IKZF1: variants seen among roughly 807,000 people sequenced by gnomAD.
IKZF1 encodes the protein IKAROS family zinc finger 1, also known as DNA-binding protein Ikaros.
IKZF1 carries 10 observed loss-of-function variants against 51.7 expected under a neutral mutation model. The ratio of observed to expected loss-of-function variants is 0.19; its 90% confidence interval spans 0.12 to 0.33. IKZF1 has a LOEUF of 0.33. IKZF1 is among the 10% of genes least tolerant of loss of function. IKZF1 has a pLI of 1.00. For missense variants in IKZF1, 484 were observed against 707.5 expected, an observed-to-expected ratio of 0.68 and a Z score of 3.58; for synonymous variants, 280 against 282.3, an observed-to-expected ratio of 0.99 and a Z score of 0.08.
chr7:50,360,624 A>C (rs992357359), intron 3 of IKZF1, among the ~76,000 whole-genome samples: 17 of 152,262 alleles, frequency 1.1e-4, no homozygotes, highest in African/African-American at 3.9e-4. Flanking sequence ...TACTGGGAAA[A>C]CCACATCTAA....
chr7:50,307,959 A>G (rs1321529362), intron 1 of IKZF1, among the ~76,000 whole-genome samples: 1 of 152,194 alleles, frequency 6.6e-6, no homozygotes, highest in African/African-American at 2.4e-5. Context: ...CATGTGGACC[A>G]TGGCTTTCTT....
intron 3 of IKZF1, among the ~76,000 whole-genome samples, chr7:50,343,379 T>C (rs186491147): frequency 7.7e-4 from 117 of 152,212 alleles, no homozygotes; most frequent in African/African-American, 2.8e-3. Context: ...ACCAAATTGT[T>C]TTTCCCAGGA....
chr7:50,384,183 G>T (rs1194470448), intron 5 of IKZF1, among the ~76,000 whole-genome samples: 2 of 152,218 alleles, frequency 1.3e-5, no homozygotes, highest in Non-Finnish European at 2.9e-5. Context: ...TAGTGTGTGA[G>T]TCGGCAGTAA....
At chr7:50,393,295 T>G (rs1239939120) in intron 7 of IKZF1, among the ~76,000 whole-genome samples, 1 of 151,970 alleles carries the variant, frequency 6.6e-6, no homozygotes, top group African/African-American at 2.4e-5. Context: ...TGGGGTTCTG[T>G]TTTTGACGTG....
Position 50,376,762 on chromosome 7 carries a change from T to C in IKZF1, c.390T>C (p.Asn130=). ...GTGGGATCATTTGCATCGGGCCCAATGTGCTCATGGTTCACAAAAGAAGCC... is the reference window on the plus strand; with the variant it reads ...GTGGGATCATTTGCATCGGGCCCAACGTGCTCATGGTTCACAAAAGAAGCC... ...DICGIICIGP[N]VLMVHKRSHT... The change falls in exon 4 of 8, where the codon AAT becomes AAC. Residue 130 remains asparagine (N), a synonymous_variant. Coordinates refer to ENST00000331340, the MANE Select transcript of IKZF1 (RefSeq NM_006060.6). This position sits in a 1 kb window ranked among gnomAD's most constrained non-coding sequence, Gnocchi z 4.5. 2 of 1,613,966 alleles carry C rather than the reference T, an allele frequency of 1.2e-6. No homozygotes were observed. The highest frequency in any genetic ancestry group is 1.7e-6 in the Non-Finnish European group (2 of 1,179,864).
rs111649219 is a variant in IKZF1, at chr7:50,327,899, A to G, written c.160+142A>G. The G allele has an allele frequency of 1.8e-3, 1,810 of 996,964 alleles. 19 individuals are homozygous for G. The African/African-American group carries it at 0.027, about 15-fold the overall frequency. 61.8% of individuals were successfully genotyped at this position (996,964 alleles called of 1,614,324 possible). ...ATTAAAGAAATATGGCACAAAGATC[A>G]GCAGGATGGGGGTCCTCTGGTGTGT... is the stretch of plus-strand genomic sequence containing the variant. On this transcript the variant is annotated intron_variant, in intron 3 of 7. Transcript: ENST00000331340.
At chr7:50,357,606 C>T (rs572274586) in intron 3 of IKZF1, among the ~76,000 whole-genome samples, 1 of 152,192 alleles carries the variant, frequency 6.6e-6, no homozygotes, top group African/African-American at 2.4e-5. Context: ...TGCAACATCC[C>T]TGGACAGATC....
intron 3 of IKZF1, among the ~76,000 whole-genome samples, chr7:50,344,010 T>C (rs921315215): frequency 1.3e-5 from 2 of 152,198 alleles, no homozygotes; most frequent in Admixed American, 6.5e-5. Flanking sequence ...AGCTGACTTA[T>C]AAATTTACCC....
In IKZF1 at chr7:50,376,937, G is replaced by T. The variant is rs1810451572; in HGVS notation, c.421+144G>T. 1.4e-6 allele frequency: 2 copies of T among 1,384,282 alleles called. No individual in the cohort carries two copies. Among genetic ancestry groups the T allele is most frequent in the Admixed American group, 2.7e-5 (1 of 37,434 alleles). The allele number at this position is 1,384,282 out of a possible 1,614,324, so 85.7% of individuals were successfully genotyped here. On this transcript the variant is annotated intron_variant, in intron 4 of 7. Coordinates refer to ENST00000331340, the MANE Select transcript of IKZF1 (RefSeq NM_006060.6). This position sits in a 1 kb window ranked among gnomAD's most constrained non-coding sequence, Gnocchi z 4.5. ...TTGTTGCAAGCGATTGGTTCCAAGT[G>T]GTACCGAGTCATAGAGTCCTTGTTC... is the stretch of plus-strand genomic sequence containing the variant.
intron 3 of IKZF1, chr7:50,369,758 C>G (rs1808104262): frequency 5.1e-6 from 2 of 394,750 alleles, no homozygotes; most frequent in South Asian, 2.9e-4. Flanking sequence ...AAGAAAATGC[C>G]TATTGCTCTT....
At chr7:50,325,923 C>A (rs1208850798) in intron 2 of IKZF1, among the ~76,000 whole-genome samples, 1 of 152,214 alleles carries the variant, frequency 6.6e-6, no homozygotes, top group African/African-American at 2.4e-5. Flanking sequence ...CCTGCTCCGT[C>A]TTTAACTATT....
chr7:50,315,481 A>G (rs1311833061), intron 1 of IKZF1, among the ~76,000 whole-genome samples: 5 of 152,162 alleles, frequency 3.3e-5, no homozygotes, highest in South Asian at 4.1e-4. Context: ...CTCTGCATCT[A>G]TTTCCCCTTG....
At chr7:50,368,076 G>A in intron 3 of IKZF1, 1 of 703,142 alleles carries the variant, frequency 1.4e-6, no homozygotes, top group East Asian at 2.7e-5. Flanking sequence ...GTAAGTATAT[G>A]CCTTGCTTCT....
chr7:50,312,612 T>C (rs1219025603), intron 1 of IKZF1, among the ~76,000 whole-genome samples: 1 of 152,256 alleles, frequency 6.6e-6, no homozygotes, highest in African/African-American at 2.4e-5. Flanking sequence ...CTGTTTCTTT[T>C]CCCTCTGTAT....
intron 3 of IKZF1, among the ~76,000 whole-genome samples, chr7:50,361,227 A>G (rs1805118415): frequency 6.6e-6 from 1 of 152,094 alleles, no homozygotes; most frequent in Non-Finnish European, 1.5e-5. Flanking sequence ...CGTTCTCATT[A>G]TCATTTTTGC....
At chr7:50,338,464 A>G (rs1296265174) in intron 3 of IKZF1, among the ~76,000 whole-genome samples, 1 of 152,168 alleles carries the variant, frequency 6.6e-6, no homozygotes, top group East Asian at 1.9e-4. Context: ...ACCAACTGAC[A>G]TTTCGTTAAC....
Position 50,338,999 on chromosome 7 carries a change from G to A in IKZF1, c.160+11242G>A, listed in dbSNP as rs904312675. The stretch of plus-strand genomic sequence containing the variant: ...TAGAATCAGCCAACTGGTAATATGC[G>A]GAAAATCTGCCAGGTTGTTGGTAAA... On this transcript the variant is annotated intron_variant, in intron 3 of 7. Transcript: ENST00000331340. 5.8e-4 allele frequency among the ~76,000 whole-genome samples: 88 copies of A among 152,306 alleles called. 2 individuals are homozygous for A. The South Asian group carries it at 7.5e-3, about 13-fold the overall frequency.
At chr7:50,335,351 ATGTGTGTGTGGGATGTGTGG>A (rs1797427513) in intron 3 of IKZF1, among the ~76,000 whole-genome samples, 2 of 101,194 alleles carry the variant, frequency 2.0e-5, no homozygotes, top group Admixed American at 1.1e-4. Flanking sequence ...TGTGTTGTGT[ATGTGTGTGTGGGATGTGTGG>A]TGTGTGGTGT....
At chr7:50,325,642 G>A (rs890512349) in intron 2 of IKZF1, among the ~76,000 whole-genome samples, 10 of 152,048 alleles carry the variant, frequency 6.6e-5, no homozygotes, top group African/African-American at 2.2e-4. Context: ...GGGCATGGTG[G>A]GGGATACCTG....
Sources: allele counts gnomAD v4.1 joint callset (sites outside exome capture counted in the v4.1 genomes callset), GRCh38; gene constraint gnomAD v4.1.1; non-coding constraint Gnocchi (gnomAD v3.1); transcripts MANE v1.5; gene names NCBI Gene and HGNC (gene_info 2026-07-23, HGNC 2026-07-21).